Variants in FAM13C observed in about 807,000 individuals in gnomAD.
The protein encoded by FAM13C is family with sequence similarity 13 member C.
Under a neutral mutation model 73.2 loss-of-function variants are expected in FAM13C, and 37 were observed. The observed-to-expected ratio is 0.51, with a 90% confidence interval of 0.39 to 0.67. The LOEUF is 0.67. Ranked by LOEUF, FAM13C falls within the 30% of genes least tolerant of loss-of-function variation. FAM13C has a pLI of 0.00. For missense variants in FAM13C, 589 were observed against 715.6 expected, an observed-to-expected ratio of 0.82 and a Z score of 2.02; for synonymous variants, 246 against 260.9, an observed-to-expected ratio of 0.94 and a Z score of 0.55.
At chr10:59,266,063 G>T (rs1039743698) in intron 8 of FAM13C, among the ~76,000 whole-genome samples, 1 of 152,134 alleles carries the variant, frequency 6.6e-6, no homozygotes, top group African/African-American at 2.4e-5. Flanking sequence ...TACTGGGAGG[G>T]TTATAAAAAG....
chr10:59,262,300 A>G (rs1016393325), intron 10 of FAM13C, 134 bp downstream of exon 10: 5 of 729,852 alleles, frequency 6.9e-6, no homozygotes, highest in Admixed American at 5.3e-5. Context: ...ACCTGTCAGG[A>G]ACTCATCTGA....
At chr10:59,275,826 C>G (rs1193647641) in intron 6 of FAM13C, among the ~76,000 whole-genome samples, 1 of 152,078 alleles carries the variant, frequency 6.6e-6, no homozygotes. Context: ...AGTACTTGGT[C>G]TAATGTAAAA....
chr10:59,287,757 T>C lies in FAM13C; in HGVS notation c.508-4310A>G, dbSNP rs376317511. 3.2e-3 allele frequency among the ~76,000 whole-genome samples: 494 copies of C among 152,342 alleles called. 8 individuals carry two copies. Among genetic ancestry groups the C allele is most frequent in the South Asian group, 0.027 (132 of 4,830 alleles). ...AATCATGGAAAGCTGGAAAGCACTT[T>C]GCAGAGCACCAGCATGTTGCAAACA... is the stretch of plus-strand genomic sequence containing the variant. On this transcript the variant is annotated intron_variant, in intron 5 of 13. Transcript: ENST00000618804.
intron 3 of FAM13C, among the ~76,000 whole-genome samples, chr10:59,349,979 G>C (rs1032045661): frequency 3.3e-5 from 5 of 152,166 alleles, no homozygotes; most frequent in Non-Finnish European, 7.3e-5. Context: ...CTGATCCCCA[G>C]AGTTCAGAAA....
At chr10:59,265,981 T>C (rs1245769862) in intron 8 of FAM13C, among the ~76,000 whole-genome samples, 1 of 152,194 alleles carries the variant, frequency 6.6e-6, no homozygotes, top group East Asian at 1.9e-4. Context: ...CAATTAAAAT[T>C]GACCTCCTAA....
intron 5 of FAM13C, among the ~76,000 whole-genome samples, chr10:59,284,788 C>T (rs1464557115): frequency 6.6e-6 from 1 of 151,164 alleles, no homozygotes. Flanking sequence ...CCCTCACATC[C>T]AGCCCCCGAA....
chr10:59,254,803 C>T (rs1163207659), intron 10 of FAM13C, among the ~76,000 whole-genome samples: 1 of 151,980 alleles, frequency 6.6e-6, no homozygotes. Flanking sequence ...CAGGGTTTCA[C>T]CATGTTGGCC....
At chr10:59,358,030 AG>A (rs1855930116) in intron 1 of FAM13C, among the ~76,000 whole-genome samples, 1 of 152,184 alleles carries the variant, frequency 6.6e-6, no homozygotes, top group African/African-American at 2.4e-5. Flanking sequence ...AGTTAAACAA[AG>A]GCCACCCACA....
chr10:59,358,964 T>C (rs1217923202), intron 1 of FAM13C, among the ~76,000 whole-genome samples: 1 of 152,224 alleles, frequency 6.6e-6, no homozygotes, highest in Non-Finnish European at 1.5e-5. Context: ...TGAGTTCTCA[T>C]TTACCTTGGT....
intron 1 of FAM13C, 108 bp downstream of exon 1, chr10:59,362,291 C>CA: frequency 6.9e-7 from 1 of 1,441,300 alleles, no homozygotes; most frequent in Non-Finnish European, 9.5e-7. Flanking sequence ...TTCCGGGAGA[C>CA]AATGCATCTA....
Position 59,268,604 on chromosome 10 carries a change from C to T in FAM13C, c.891G>A (p.Lys297=). 1 of 1,613,784 alleles carries T rather than the reference C, an allele frequency of 6.2e-7. No individual in the cohort carries two copies. The highest frequency in any genetic ancestry group is 1.7e-4 in the Middle Eastern group (1 of 6,002). The change falls in exon 8 of 14, where the codon AAG becomes AAA. Residue 297 remains lysine (K), a synonymous_variant. Coordinates refer to ENST00000618804, the MANE Select transcript of FAM13C (RefSeq NM_198215.4). Reference sequence around the variant, plus strand: ...TTTCTTCAAATTTCCGAATTTTCCGCTTGAGGCTCTGGATGTGCTTGGTGA... The same window carrying T: ...TTTCTTCAAATTTCCGAATTTTCCGTTTGAGGCTCTGGATGTGCTTGGTGA... ...TQLTKHIQSL[K]RKIRKFEEKF... is the part of the protein sequence containing the mutation.
At chr10:59,338,916 C>A (rs68194090) in intron 3 of FAM13C, among the ~76,000 whole-genome samples, 42 of 152,086 alleles carry the variant, frequency 2.8e-4, no homozygotes, top group African/African-American at 1.0e-3. Flanking sequence ...AATTTGTTGG[C>A]TTAAAAACAG....
chr10:59,291,870 G>A lies in FAM13C; in HGVS notation c.508-8423C>T, dbSNP rs190698878. 4.0e-4 allele frequency among the ~76,000 whole-genome samples: 55 copies of A among 139,170 alleles called. 1 individual carries two copies. The East Asian group carries it at 9.4e-3, about 24-fold the overall frequency. 91.3% of individuals were successfully genotyped at this position (139,170 alleles called of 152,430 possible). A position where few individuals can be genotyped will look rare whatever the true frequency, so the allele number is the denominator to read the frequency against. On this transcript the variant is annotated intron_variant, in intron 5 of 13. Transcript: ENST00000618804. ...GTGGTGTGATCTCGGCTCACTGCAA[G>A]CTCCACCTCCTGGGTTCACGCCATT...
At chr10:59,302,343 G>A (rs1589523017) in intron 5 of FAM13C, among the ~76,000 whole-genome samples, 2 of 152,236 alleles carry the variant, frequency 1.3e-5, no homozygotes, top group South Asian at 2.1e-4. Flanking sequence ...ACGGCTTCAC[G>A]TCTTGAAGTC....
intron 8 of FAM13C, among the ~76,000 whole-genome samples, chr10:59,266,600 A>T (rs1262064192): frequency 6.6e-6 from 1 of 152,214 alleles, no homozygotes; most frequent in East Asian, 1.9e-4. Context: ...ACACTGAAGC[A>T]GCGGTGACCA....
At chr10:59,358,922 T>C (rs1326943004) in intron 1 of FAM13C, among the ~76,000 whole-genome samples, 3 of 152,224 alleles carry the variant, frequency 2.0e-5, no homozygotes, top group Non-Finnish European at 4.4e-5. Flanking sequence ...CTGGCTTACA[T>C]GGCACATGTT....
chr10:59,291,823 C>T (rs1462672147), intron 5 of FAM13C, among the ~76,000 whole-genome samples: 3 of 121,556 alleles, frequency 2.5e-5, no homozygotes, highest in South Asian at 2.6e-4. Flanking sequence ...GAGTCTTGCT[C>T]TGTCGCCCAG....
At chr10:59,325,580 A>G (rs966958955) in intron 3 of FAM13C, among the ~76,000 whole-genome samples, 2 of 152,104 alleles carry the variant, frequency 1.3e-5, no homozygotes, top group African/African-American at 2.4e-5. Context: ...TCTCTCACAC[A>G]ATGGTTTTCA....
chr10:59,324,665 G>T (rs1028585113), intron 3 of FAM13C, among the ~76,000 whole-genome samples: 3 of 151,998 alleles, frequency 2.0e-5, no homozygotes, highest in African/African-American at 7.3e-5. Context: ...TATAATAAAA[G>T]AAAAATTTAA....
Sources: allele counts gnomAD v4.1 joint callset (sites outside exome capture counted in the v4.1 genomes callset), GRCh38; gene constraint gnomAD v4.1.1; transcripts MANE v1.5; gene names NCBI Gene and HGNC (gene_info 2026-07-23, HGNC 2026-07-21).